Variants in GSE1 observed in about 807,000 individuals in gnomAD.
GSE1 encodes Gse1 coiled-coil protein.
A neutral mutation model predicts 112.6 loss-of-function variants in GSE1; 32 were observed. That is an observed-to-expected ratio of 0.28 (90% CI 0.21 to 0.38). The LOEUF (loss-of-function observed/expected upper bound fraction) is 0.38, where lower values mean the gene tolerates loss of function less well. Ranked by LOEUF, GSE1 falls within the 10% of genes least tolerant of loss-of-function variation. The probability of loss-of-function intolerance (pLI) is 1.00; values close to 1 mark genes in which losing one functional copy is unlikely to be tolerated. For missense variants in GSE1, 2,348 were observed against 1,699.2 expected (o/e 1.38, Z -6.71); for synonymous variants, 1,115 against 735.6 (o/e 1.52, Z -8.35).
rs770777893 is a variant in GSE1 at position 85,221,945 on chromosome 16, G to A, written c.2283+50138G>A. 5.9e-5 allele frequency among the ~76,000 whole-genome samples: 9 copies of A among 152,048 alleles called. No homozygotes were observed. In the East Asian group the frequency reaches 7.8e-4, roughly 13 times the overall value. On this transcript the variant is annotated intron_variant, in intron 1 of 2. Transcript: ENST00000637419. ...GACTCAGCTGCCCCTCCCGGTCCCC[G>A]CCCCACAGGGTCACCGGTGACCAGG...
chr16:85,255,157 G>A (rs966398656), intron 1 of GSE1, among the ~76,000 whole-genome samples: 1 of 152,216 alleles, frequency 6.6e-6, no homozygotes, highest in African/African-American at 2.4e-5. Flanking sequence ...AGGATGGAGC[G>A]AGTGGCAGAA....
intron 2 of GSE1, among the ~76,000 whole-genome samples, chr16:85,505,175 G>C (rs1233811683): frequency 1.3e-5 from 2 of 152,176 alleles, no homozygotes; most frequent in Non-Finnish European, 2.9e-5. Context: ...GGGGAGGATG[G>C]TGCTGTGGGT....
chr16:85,344,640 A>G (rs1182194434), intron 1 of GSE1, among the ~76,000 whole-genome samples: 1 of 152,216 alleles, frequency 6.6e-6, no homozygotes, highest in Admixed American at 6.5e-5. Flanking sequence ...CGGCTGCCCC[A>G]GGAGGCTGGC....
At chr16:85,326,957 AT>A (rs538847123) in intron 1 of GSE1, among the ~76,000 whole-genome samples, 6 of 152,232 alleles carry the variant, frequency 3.9e-5, no homozygotes, top group Non-Finnish European at 7.3e-5. Context: ...CAGGTCTGTG[AT>A]TTGCATAAGG....
rs186952899 is a variant in GSE1, at chr16:85,422,349, C to T, written c.2464+64706C>T. Among the ~76,000 whole-genome samples the T allele has an allele frequency of 2.0e-4, 29 of 145,062 alleles. No homozygotes were observed. The East Asian group carries it at 3.9e-3, about 20-fold the overall frequency. On this transcript the variant is annotated intron_variant, in intron 2 of 2. Transcript: ENST00000637419. ...GCAAGACTGACAGTAAGAGGCTCTG[C>T]GGGAAGGAGCTGGGCGGGGCGGGGG...
Position 85,542,170 on chromosome 16 carries a change from A to G in GSE1, c.2465-91744A>G, listed in dbSNP as rs1195513618. Among the ~76,000 whole-genome samples the G allele has an allele frequency of 7.9e-5, 12 of 152,184 alleles. No individual in the cohort carries two copies. The East Asian group carries it at 2.3e-3, about 29-fold the overall frequency. ...TGTGTGTGTGCATGTTGGAATTTGT[A>G]GAGTCAGGGCTGGGATGCGGGGAGG... is the stretch of plus-strand genomic sequence containing the variant. On this transcript the variant is annotated intron_variant, in intron 2 of 2. Transcript: ENST00000637419.
chr16:85,530,594 C>T (rs1457770322), intron 2 of GSE1, among the ~76,000 whole-genome samples: 5 of 152,100 alleles, frequency 3.3e-5, no homozygotes, highest in East Asian at 1.9e-4. Context: ...GACATGCCTG[C>T]GACCCACTCC....
rs773501016 is a variant in GSE1 at position 85,666,215 on chromosome 16, A to C, written c.2998A>C (p.Ile1000Leu). ...HYIRGAAPKD[I>L]PVPLSHSTNG... ...TATCCGGGGCGCTGCACCCAAGGAC[A>C]TTCCTGTGCCGCTGTCCCACAGCAC... is the stretch of plus-strand genomic sequence containing the variant. Residue 1000 changes from isoleucine (I) to leucine (L), a missense_variant, in exon 13 of 16, where the codon ATT becomes CTT. Physicochemically the swap from Ile to Leu is conservative, Grantham distance 5 (BLOSUM62 2). Coordinates refer to ENST00000253458, the MANE Select transcript of GSE1 (RefSeq NM_014615.5). 6.2e-7 allele frequency: 1 copy of C among 1,613,734 alleles called. No individual in the cohort carries two copies. Among genetic ancestry groups the C allele is most frequent in the South Asian group, 1.1e-5 (1 of 91,088 alleles).
chr16:85,428,298 G>A (rs549583172), intron 2 of GSE1, among the ~76,000 whole-genome samples: 3 of 152,322 alleles, frequency 2.0e-5, no homozygotes, highest in African/African-American at 7.2e-5. Context: ...TCGTGCCTTG[G>A]TGAGAGCTGT....
chr16:85,468,312 C>CTTTTTT (rs55873035), intron 2 of GSE1, among the ~76,000 whole-genome samples: 3 of 116,708 alleles, frequency 2.6e-5, no homozygotes, highest in East Asian at 2.9e-4. Flanking sequence ...CCCTTCTTTC[C>CTTTTTT]TTTTTTTTTT....
chr16:85,325,681 A>C (rs1277178968), intron 1 of GSE1, among the ~76,000 whole-genome samples: 1 of 151,690 alleles, frequency 6.6e-6, no homozygotes, highest in Non-Finnish European at 1.5e-5. Context: ...CAAACTCCTG[A>C]CCTCGGGTGA....
chr16:85,231,148 G>A (rs1904281333), intron 1 of GSE1, among the ~76,000 whole-genome samples: 1 of 148,880 alleles, frequency 6.7e-6, no homozygotes, highest in Non-Finnish European at 1.5e-5. Flanking sequence ...ATGGATGGAT[G>A]GAAGGATGGA....
chr16:85,538,153 C>T (rs537883787), intron 2 of GSE1, among the ~76,000 whole-genome samples: 5 of 152,330 alleles, frequency 3.3e-5, no homozygotes, highest in East Asian at 3.9e-4. Context: ...GGCACGCTGG[C>T]CGTTCTGAGC....
chr16:85,394,341 C>T (rs1416468261), intron 2 of GSE1, among the ~76,000 whole-genome samples: 1 of 152,184 alleles, frequency 6.6e-6, no homozygotes, highest in African/African-American at 2.4e-5. Context: ...CTGGTGCGGC[C>T]CCGCTGGACG....
rs184873205 is a variant in GSE1 at position 85,284,310 on chromosome 16, G to A, written c.2284-73153G>A. Among the ~76,000 whole-genome samples, 11 of 152,360 alleles carry A rather than the reference G, an allele frequency of 7.2e-5. No individual in the cohort carries two copies. The East Asian group carries it at 1.2e-3, about 16-fold the overall frequency. On this transcript the variant is annotated intron_variant, in intron 1 of 2. Coordinates refer to the GSE1 transcript ENST00000637419. Reference sequence around the variant, plus strand: ...GAGAAGGATCAGACAGGGAGAAGGCGGGAGAGGGCAGAGCAGGCCGAGGGA... The same window carrying A: ...GAGAAGGATCAGACAGGGAGAAGGCAGGAGAGGGCAGAGCAGGCCGAGGGA...
Position 85,633,935 on chromosome 16 carries a change from C to T in GSE1, c.29C>T (p.Ser10Phe), listed in dbSNP as rs776056520. 1.9e-6 allele frequency: 3 copies of T among 1,612,028 alleles called. No individual in the cohort carries two copies. The highest frequency in any genetic ancestry group is 1.3e-5 in the African/African-American group (1 of 74,956). MKGMSHEPK[S>F]PSLGMLSTAT... The stretch of plus-strand genomic sequence containing the variant: ...TCAGGCATGAGCCATGAGCCCAAGT[C>T]CCCTTCGCTAGGGATGCTTTCCACC... The change falls in exon 2 of 16, where the codon TCC (serine) becomes TTC (phenylalanine). Residue 10 changes from serine to phenylalanine, a missense_variant. Coordinates refer to ENST00000253458, the MANE Select transcript of GSE1 (RefSeq NM_014615.5).
At chr16:85,506,844 T>C (rs2051551736) in intron 2 of GSE1, among the ~76,000 whole-genome samples, 1 of 152,050 alleles carries the variant, frequency 6.6e-6, no homozygotes, top group Non-Finnish European at 1.5e-5. Flanking sequence ...CCAAACCTTA[T>C]AGCTTAGTGA....
At chr16:85,514,457 G>A (rs55762264) in intron 2 of GSE1, among the ~76,000 whole-genome samples, 17,705 of 131,752 alleles carry the variant, frequency 0.13, 1,548 homozygotes, top group South Asian at 0.19. Context: ...AGCTCCTGGG[G>A]CATCCTTGGC....
intron 2 of GSE1, among the ~76,000 whole-genome samples, chr16:85,374,049 C>T (rs2047360084): frequency 6.6e-6 from 1 of 152,142 alleles, no homozygotes; most frequent in Non-Finnish European, 1.5e-5. Context: ...TCTGTGTGCA[C>T]ATGTGGTTCT....
Sources: allele counts gnomAD v4.1 joint callset (sites outside exome capture counted in the v4.1 genomes callset), GRCh38; gene constraint gnomAD v4.1.1; transcripts MANE v1.5; gene names NCBI Gene and HGNC (gene_info 2026-07-23, HGNC 2026-07-21).